OR52I2: variants seen among roughly 807,000 people sequenced by gnomAD.
OR52I2 encodes olfactory receptor 52I2.
For missense variants in OR52I2, 350 were observed against 402.4 expected, an observed-to-expected ratio of 0.87 and a Z score of 1.11; for synonymous variants, 147 against 151.9, an observed-to-expected ratio of 0.97 and a Z score of 0.24.
chr11:4,585,303 T>G (rs986547199), intron 1 of OR52I2, among the ~76,000 whole-genome samples: 4 of 152,124 alleles, frequency 2.6e-5, no homozygotes, highest in Admixed American at 2.0e-4. Flanking sequence ...AGGGGTTCCA[T>G]GAAGAAGATC....
chr11:4,585,471 C>T (rs1177510652), intron 1 of OR52I2, among the ~76,000 whole-genome samples: 3 of 152,162 alleles, frequency 2.0e-5, no homozygotes, highest in Non-Finnish European at 2.9e-5. Flanking sequence ...AGGGCTACCA[C>T]GCAGGACTGT....
chr11:4,583,315 G>A (rs112832576), intron 1 of OR52I2, among the ~76,000 whole-genome samples: 4,898 of 152,208 alleles, frequency 0.032, 108 homozygotes, highest in Non-Finnish European at 0.053. Flanking sequence ...GGTATGCCCA[G>A]TTAGTTTCCA....
chr11:4,587,816 G>A lies in OR52I2; in HGVS notation c.926G>A (p.Trp309Ter), dbSNP rs763997290. Residue 309 changes from tryptophan to a stop codon, truncating the protein, a stop_gained, in exon 2 of 2, where the codon TGG becomes TAG. Coordinates refer to ENST00000641896, the Ensembl canonical transcript of OR52I2. LOFTEE classifies it low-confidence loss of function (END_TRUNC). Reference sequence around the variant, plus strand: ...ACCAAACAACTGCGGGAGAGAATATGGAGTTATCTGATGCATGTCCTCTTT... The same window carrying A: ...ACCAAACAACTGCGGGAGAGAATATAGAGTTATCTGATGCATGTCCTCTTT... The A allele has an allele frequency of 6.2e-7, 1 of 1,613,954 alleles. No homozygotes were observed. Among genetic ancestry groups the A allele is most frequent in the Non-Finnish European group, 8.5e-7 (1 of 1,179,958 alleles).
At chr11:4,584,316 T>G (rs1328051390) in intron 1 of OR52I2, among the ~76,000 whole-genome samples, 1 of 152,188 alleles carries the variant, frequency 6.6e-6, no homozygotes, top group African/African-American at 2.4e-5. Context: ...CCTTGAGAGA[T>G]ACAAATTAGA....
At chr11:4,587,211 T>C (rs1163389060) in exon 2 of OR52I2, 2 of 1,614,056 alleles carry the variant, frequency 1.2e-6, no homozygotes, top group South Asian at 1.1e-5. Context: ...AGATGTTTTT[T>C]GTCCACTTAG....
At chr11:4,583,937 T>C (rs894737363) in intron 1 of OR52I2, among the ~76,000 whole-genome samples, 7 of 152,208 alleles carry the variant, frequency 4.6e-5, no homozygotes, top group Admixed American at 1.3e-4. Context: ...AAGAACCTGG[T>C]AAATGTTCCT....
chr11:4,581,787 C>G (rs1219320963), exon 1 of OR52I2: 3 of 152,234 alleles, frequency 2.0e-5, no homozygotes, highest in Non-Finnish European at 4.4e-5. Flanking sequence ...ACAAATCCCT[C>G]TTCTTCTGAG....
chr11:4,588,527 T>G (rs917054193), exon 2 of OR52I2: 2 of 152,760 alleles, frequency 1.3e-5, no homozygotes, highest in Admixed American at 6.5e-5. Context: ...ATCCTCTATT[T>G]GGAGAATATG....
chr11:4,591,647 T>C (rs1846351478), exon 2 of OR52I2: 1 of 152,216 alleles, frequency 6.6e-6, no homozygotes, highest in African/African-American at 2.4e-5. Flanking sequence ...AAGAAAATTA[T>C]CTGAGAACAA....
intron 1 of OR52I2, 34 bp from the exon 2 acceptor site, chr11:4,586,838 G>T (rs112052046): frequency 2.5e-6 from 4 of 1,613,912 alleles, no homozygotes; most frequent in African/African-American, 2.7e-5. Flanking sequence ...TTACGGGATT[G>T]CATTCTTCTC....
At chr11:4,582,150 C>A (rs1040855213) in intron 1 of OR52I2, among the ~76,000 whole-genome samples, 12 of 151,980 alleles carry the variant, frequency 7.9e-5, no homozygotes, top group African/African-American at 2.9e-4. Context: ...TTTTCAGGGA[C>A]CAAGAGAAGT....
exon 2 of OR52I2, chr11:4,590,963 A>C (rs1288457856): frequency 2.6e-5 from 4 of 152,156 alleles, no homozygotes; most frequent in Non-Finnish European, 5.9e-5. Flanking sequence ...GGTTTGTTTC[A>C]TATAGATCAC....
At chr11:4,585,256 G>A (rs899089264) in intron 1 of OR52I2, among the ~76,000 whole-genome samples, 40 of 152,154 alleles carry the variant, frequency 2.6e-4, no homozygotes, top group African/African-American at 8.9e-4. Context: ...ATGAAAGTAT[G>A]CAGGATTTGT....
exon 2 of OR52I2, chr11:4,589,151 C>T (rs1379636325): frequency 6.6e-6 from 1 of 152,170 alleles, no homozygotes; most frequent in Non-Finnish European, 1.5e-5. Flanking sequence ...AAAGATAAAC[C>T]AGTCTCTTGA....
At chr11:4,587,011 A>G in exon 2 of OR52I2, 4 of 1,614,142 alleles carry the variant, frequency 2.5e-6, no homozygotes, top group Non-Finnish European at 1.7e-6. Flanking sequence ...CATGTACATC[A>G]TAGCCCTGTT....
At chr11:4,582,144 C>T (rs1293092110) in intron 1 of OR52I2, among the ~76,000 whole-genome samples, 1 of 152,112 alleles carries the variant, frequency 6.6e-6, no homozygotes, top group Admixed American at 6.5e-5. Context: ...TAACAGTTTT[C>T]AGGGACCAAG....
At chr11:4,582,402 A>C (rs1334311923) in intron 1 of OR52I2, among the ~76,000 whole-genome samples, 1 of 150,064 alleles carries the variant, frequency 6.7e-6, no homozygotes, top group Non-Finnish European at 1.5e-5. Flanking sequence ...TGACATTAAG[A>C]AACTTTTTAT....
At chr11:4,587,074 C>A in exon 2 of OR52I2, 1 of 1,614,144 alleles carries the variant, frequency 6.2e-7, no homozygotes, top group Non-Finnish European at 8.5e-7. Context: ...TCGGCATGAG[C>A]CCATGTATTG....
exon 2 of OR52I2, chr11:4,592,126 C>T (rs1846354584): frequency 1.3e-5 from 2 of 152,154 alleles, no homozygotes; most frequent in African/African-American, 4.8e-5. Context: ...TAGAATCAGG[C>T]AGGGAAAACC....
Sources: allele counts gnomAD v4.1 joint callset (sites outside exome capture counted in the v4.1 genomes callset), GRCh38; gene constraint gnomAD v4.1.1; transcripts MANE v1.5; gene names NCBI Gene and HGNC (gene_info 2026-07-23, HGNC 2026-07-21).